The following ARHGAP15 variants were observed in gnomAD, a reference collection of about 807,000 sequenced individuals.
ARHGAP15 encodes the protein Rho GTPase activating protein 15.
ARHGAP15 carries 51 observed loss-of-function variants against 63.7 expected under a neutral mutation model. The observed-to-expected ratio is 0.80, with a 90% CI of 0.64 to 1.01. ARHGAP15 has a LOEUF of 1.01. ARHGAP15 is among the 50% of genes least tolerant of loss of function. The pLI, the probability that ARHGAP15 is intolerant of heterozygous loss-of-function variation, is 0.00. For missense variants in ARHGAP15, 560 were observed against 564.6 expected (o/e 0.99, Z 0.08); for synonymous variants, 191 against 193.8 (o/e 0.99, Z 0.12).
intron 6 of ARHGAP15, among the ~76,000 whole-genome samples, chr2:143,317,737 G>A (rs921061889): frequency 1.3e-5 from 2 of 152,120 alleles, no homozygotes; most frequent in African/African-American, 4.8e-5. Flanking sequence ...GTGGTTTGGG[G>A]GGATTCATGT....
At chr2:143,449,157 A>G (rs989796095) in intron 8 of ARHGAP15, among the ~76,000 whole-genome samples, 1 of 152,076 alleles carries the variant, frequency 6.6e-6, no homozygotes, top group African/African-American at 2.4e-5. Flanking sequence ...CACCTAAGTC[A>G]GAAATTCTGA....
intron 9 of ARHGAP15, among the ~76,000 whole-genome samples, chr2:143,514,648 G>A (rs540883875): frequency 6.6e-5 from 10 of 152,252 alleles, no homozygotes; most frequent in Admixed American, 5.9e-4. Flanking sequence ...AATCTCAGTG[G>A]CATATAACAC....
At chr2:143,735,644 C>G (rs1038808535) in intron 13 of ARHGAP15, among the ~76,000 whole-genome samples, 4 of 152,108 alleles carry the variant, frequency 2.6e-5, no homozygotes, top group Admixed American at 2.6e-4. Flanking sequence ...CTGCATGGCT[C>G]TCATTAGTCA....
At chr2:143,358,784 T>C (rs1213813959) in intron 6 of ARHGAP15, among the ~76,000 whole-genome samples, 1 of 151,940 alleles carries the variant, frequency 6.6e-6, no homozygotes, top group Non-Finnish European at 1.5e-5. Flanking sequence ...TGTATGTATA[T>C]GTATGTTTTT....
At chr2:143,702,450 C>G (rs1397991017) in intron 12 of ARHGAP15, among the ~76,000 whole-genome samples, 1 of 151,826 alleles carries the variant, frequency 6.6e-6, no homozygotes, top group Admixed American at 6.6e-5. Context: ...AAAGCAAAAA[C>G]AAAATGTGTA....
At chr2:143,685,155 C>T (rs1683273716) in intron 12 of ARHGAP15, among the ~76,000 whole-genome samples, 1 of 152,012 alleles carries the variant, frequency 6.6e-6, no homozygotes, top group Admixed American at 6.5e-5. Flanking sequence ...ACACCGAAGT[C>T]GCATTTGCTC....
chr2:143,280,057 T>C (rs765643396), intron 6 of ARHGAP15, among the ~76,000 whole-genome samples: 5 of 152,180 alleles, frequency 3.3e-5, no homozygotes, highest in Non-Finnish European at 7.4e-5. Flanking sequence ...ATTCACACTT[T>C]CTAGAAATGA....
chr2:143,661,884 C>T (rs566209141), intron 12 of ARHGAP15, among the ~76,000 whole-genome samples: 16 of 152,206 alleles, frequency 1.1e-4, no homozygotes, highest in Non-Finnish European at 1.8e-4. Context: ...TGGCGCACCA[C>T]GAGATTATAT....
chr2:143,231,162 T>C (rs1051904076), intron 5 of ARHGAP15, among the ~76,000 whole-genome samples: 2 of 150,880 alleles, frequency 1.3e-5, no homozygotes, highest in Admixed American at 1.3e-4. Context: ...GGCATAGTGA[T>C]ACCTGCCAAC....
chr2:143,759,383 T>A (rs988517509), intron 13 of ARHGAP15, among the ~76,000 whole-genome samples: 2 of 152,128 alleles, frequency 1.3e-5, no homozygotes, highest in African/African-American at 4.8e-5. Flanking sequence ...CATATATAAG[T>A]CATAGGAATT....
At chr2:143,278,511 T>C (rs1681680696) in intron 6 of ARHGAP15, among the ~76,000 whole-genome samples, 1 of 152,148 alleles carries the variant, frequency 6.6e-6, no homozygotes, top group South Asian at 2.1e-4. Flanking sequence ...GAATGCCTGC[T>C]AAATTTGGCC....
At chr2:143,160,221 T>C (rs1315755044) in intron 2 of ARHGAP15, among the ~76,000 whole-genome samples, 1 of 151,924 alleles carries the variant, frequency 6.6e-6, no homozygotes, top group African/African-American at 2.4e-5. Flanking sequence ...CACACACAAA[T>C]ATAATTTAAA....
At chr2:143,562,694 A>G (rs1696081417) in intron 11 of ARHGAP15, among the ~76,000 whole-genome samples, 1 of 152,196 alleles carries the variant, frequency 6.6e-6, no homozygotes, top group Non-Finnish European at 1.5e-5. Context: ...GGCTTTGGAA[A>G]CTTTCTTAGA....
chr2:143,224,801 G>A (rs10496944), intron 4 of ARHGAP15, among the ~76,000 whole-genome samples: 25,899 of 152,120 alleles, frequency 0.17, 2,412 homozygotes, highest in Middle Eastern at 0.24. Flanking sequence ...AATTGGGTGA[G>A]AAAGCTATTC....
chr2:143,566,633 G>A (rs7587725), intron 11 of ARHGAP15, among the ~76,000 whole-genome samples: 43,680 of 151,778 alleles, frequency 0.29, 6,939 homozygotes, highest in African/African-American at 0.43. Context: ...CAACCACCAC[G>A]GCTTCCTTTC....
chr2:143,326,020 A>T (rs1574278265), intron 6 of ARHGAP15, among the ~76,000 whole-genome samples: 1 of 152,254 alleles, frequency 6.6e-6, no homozygotes, highest in East Asian at 1.9e-4. Context: ...TCTCAGTTGA[A>T]AGGCTAATTT....
chr2:143,566,405 G>T (rs1290759602), intron 11 of ARHGAP15, among the ~76,000 whole-genome samples: 1 of 152,162 alleles, frequency 6.6e-6, no homozygotes, highest in Non-Finnish European at 1.5e-5. Context: ...CAGGCAGTAT[G>T]TGGGACACCG....
intron 11 of ARHGAP15, among the ~76,000 whole-genome samples, chr2:143,576,370 C>G (rs1168776677): frequency 6.6e-6 from 1 of 152,082 alleles, no homozygotes; most frequent in African/African-American, 2.4e-5. Flanking sequence ...AAGAAGGATA[C>G]TGAAACATTG....
intron 13 of ARHGAP15, among the ~76,000 whole-genome samples, chr2:143,743,946 A>G (rs1330639163): frequency 6.6e-6 from 1 of 152,196 alleles, no homozygotes; most frequent in Non-Finnish European, 1.5e-5. Flanking sequence ...TATAAACAAA[A>G]TGCCATAAAG....
Sources: gnomAD v4.1 joint callset for allele counts (sites outside exome capture counted in the v4.1 genomes callset) on GRCh38, gnomAD v4.1.1 for gene constraint, MANE v1.5 for transcripts, NCBI Gene and HGNC (gene_info 2026-07-23, HGNC 2026-07-21) for gene names.